OSGIN2: variants seen among roughly 807,000 people sequenced by gnomAD.
OSGIN2 encodes oxidative stress induced growth inhibitor family member 2.
OSGIN2 carries 19 observed loss-of-function variants against 53.8 expected under a neutral mutation model. That is an observed-to-expected ratio of 0.35 (90% CI 0.25 to 0.52). The LOEUF is 0.52. Ranked by LOEUF, OSGIN2 falls within the 20% of genes least tolerant of loss-of-function variation. The pLI is 0.95. For synonymous variants in OSGIN2, 236 were observed against 236.0 expected (o/e 1.00, Z 0.00); for missense variants, 520 against 662.7 (o/e 0.78, Z 2.36).
intron 1 of OSGIN2, among the ~76,000 whole-genome samples, chr8:89,906,401 G>A (rs1273359767): frequency 6.6e-6 from 1 of 152,184 alleles, no homozygotes; most frequent in Non-Finnish European, 1.5e-5. Flanking sequence ...ACTTGCATTA[G>A]TTGTTTTTCT....
intron 4 of OSGIN2, among the ~76,000 whole-genome samples, chr8:89,920,301 AAT>A (rs1272489022): frequency 2.8e-5 from 4 of 145,426 alleles, no homozygotes; most frequent in Admixed American, 2.0e-4. Flanking sequence ...CAGTTATAAT[AAT>A]AATAATAATA....
intron 5 of OSGIN2, 148 bp downstream of exon 5, chr8:89,921,319 A>G: frequency 1.8e-6 from 1 of 555,016 alleles, no homozygotes; most frequent in Non-Finnish European, 3.2e-6. Flanking sequence ...AGTGATTATA[A>G]TATGCTAGTT....
At chr8:89,919,524 G>GGGC (rs1304262586) in intron 4 of OSGIN2, among the ~76,000 whole-genome samples, 1 of 152,182 alleles carries the variant, frequency 6.6e-6, no homozygotes, top group Non-Finnish European at 1.5e-5. Context: ...CACTGGTATA[G>GGGC]CATTGCCAAG....
intron 4 of OSGIN2, among the ~76,000 whole-genome samples, chr8:89,919,456 C>T (rs137978675): frequency 1.3e-5 from 2 of 152,242 alleles, no homozygotes; most frequent in Non-Finnish European, 2.9e-5. Context: ...CCTCTGCCTC[C>T]CAGAGCAAAA....
intron 4 of OSGIN2, among the ~76,000 whole-genome samples, chr8:89,918,486 CT>C (rs1215598073): frequency 1.3e-5 from 2 of 152,078 alleles, no homozygotes; most frequent in African/African-American, 4.8e-5. Context: ...TTAAAAATTG[CT>C]TCTGTAGACC....
intron 5 of OSGIN2, 107 bp downstream of exon 5, chr8:89,921,278 C>T (rs1015854193): frequency 1.3e-5 from 8 of 637,234 alleles, no homozygotes; most frequent in Non-Finnish European, 2.2e-5. Context: ...TATAAATGTA[C>T]GTCTTTCAAA....
At chr8:89,923,333 A>G (rs1809247251) in intron 5 of OSGIN2, among the ~76,000 whole-genome samples, 1 of 152,208 alleles carries the variant, frequency 6.6e-6, no homozygotes, top group South Asian at 2.1e-4. Flanking sequence ...TGACTGAAGA[A>G]GTAAAAATCT....
At position 89,909,692 on chromosome 8, in the gene OSGIN2, C is replaced by T. The variant is rs749492257; in HGVS notation, c.170C>T (p.Ser57Leu). ...LVEETSLLEDSSVTFPVVIIG... is the reference protein window; with the variant it reads ...LVEETSLLEDLSVTFPVVIIG... ...GAAGAAACTTCTTTACTGGAAGATTCGTCAGTGACTTTTCCTGTGGTAATA... is the reference window on the plus strand; with the variant it reads ...GAAGAAACTTCTTTACTGGAAGATTTGTCAGTGACTTTTCCTGTGGTAATA... Residue 57 changes from serine to leucine, a missense_variant, in exon 2 of 6, where the codon TCG (serine) becomes TTG (leucine). This residue lies in a region of OSGIN2 where 203 missense variants were observed against 275.3 expected (regional missense o/e 0.74). Coordinates refer to ENST00000451899, the MANE Select transcript of OSGIN2 (RefSeq NM_001126111.3). The T allele has an allele frequency of 9.3e-6, 15 of 1,607,952 alleles. No homozygotes were observed. Among genetic ancestry groups the T allele is most frequent in the African/African-American group, 2.7e-5 (2 of 74,730 alleles).
Position 89,912,162 on chromosome 8 carries a change from G to A in OSGIN2, c.200-1915G>A, listed in dbSNP as rs34197189. The stretch of plus-strand genomic sequence containing the variant: ...TTGCAGCTAGCAATTCTCTAGGTTG[G>A]ATTAAATTTTTGAAAGGCAGATATA... On this transcript the variant is annotated intron_variant, in intron 2 of 5. Coordinates refer to ENST00000451899, the MANE Select transcript of OSGIN2 (RefSeq NM_001126111.3). 2.3e-3 allele frequency among the ~76,000 whole-genome samples: 351 copies of A among 152,274 alleles called. 2 individuals carry two copies. The highest frequency in any genetic ancestry group is 3.6e-3 in the Non-Finnish European group (247 of 68,018).
chr8:89,921,060 T>G lies in OSGIN2; in HGVS notation c.529-20T>G, dbSNP rs1388253311. 11 of 1,446,842 alleles carry G rather than the reference T, an allele frequency of 7.6e-6. No individual in the cohort carries two copies. Among genetic ancestry groups the G allele is most frequent in the Non-Finnish European group, 1.0e-5 (11 of 1,053,078 alleles). The allele number at this position is 1,446,842 out of a possible 1,614,324, so 89.6% of individuals were successfully genotyped here. A position where few individuals can be genotyped will look rare whatever the true frequency, so the allele number is the denominator to read the frequency against. Reference sequence around the variant, plus strand: ...CTTCTTGTTTTTTGACGGTACATTTTTTTTTTTAAACTCTAATAGAATATG... The same window carrying G: ...CTTCTTGTTTTTTGACGGTACATTTGTTTTTTTAAACTCTAATAGAATATG... On this transcript the variant is annotated intron_variant, in intron 4 of 5. Transcript: ENST00000451899.
In OSGIN2 at chr8:89,909,549, C is replaced by CTTT; in HGVS notation, c.45-18_45-17insTTT. 1 of 1,305,968 alleles carries CTTT rather than the reference C, an allele frequency of 7.7e-7. No individual in the cohort carries two copies. Among genetic ancestry groups the CTTT allele is most frequent in the Non-Finnish European group, 1.0e-6 (1 of 961,130 alleles). 80.9% of individuals were successfully genotyped at this position (1,305,968 alleles called of 1,614,324 possible). A position where few individuals can be genotyped will look rare whatever the true frequency, so the allele number is the denominator to read the frequency against. On this transcript the variant is annotated splice_polypyrimidine_tract_variant and intron_variant, in intron 1 of 5. Coordinates refer to ENST00000451899, the MANE Select transcript of OSGIN2 (RefSeq NM_001126111.3). ...ATTGACTATATCTCTTTTTATTCCC[C>CTTT]CTTTTTTTTTTTTAAAGAAACTATA... is the stretch of plus-strand genomic sequence containing the variant.
Position 89,925,225 on chromosome 8 carries a change from T to C in OSGIN2, c.1343T>C (p.Phe448Ser). 1.2e-6 allele frequency: 2 copies of C among 1,614,140 alleles called. No homozygotes were observed. The highest frequency in any genetic ancestry group is 1.7e-6 in the Non-Finnish European group (2 of 1,179,994). ...LQSVSGLKKI[F>S]KLSAAVVLIG... Reference sequence around the variant, plus strand: ...AGCGTTTCTGGATTGAAGAAAATATTTAAGCTGTCTGCAGCAGTAGTATTG... The same window carrying C: ...AGCGTTTCTGGATTGAAGAAAATATCTAAGCTGTCTGCAGCAGTAGTATTG... The change falls in exon 6 of 6, where the codon TTT (phenylalanine) becomes TCT (serine). Residue 448 changes from phenylalanine to serine, a missense_variant. Transcript: ENST00000451899.
chr8:89,920,871 G>A (rs952556453), intron 4 of OSGIN2, among the ~76,000 whole-genome samples: 10 of 152,040 alleles, frequency 6.6e-5, no homozygotes, highest in African/African-American at 2.4e-5. Context: ...GAAGGTTGTC[G>A]GGATAATATC....
At chr8:89,920,877 A>G (rs140544497) in intron 4 of OSGIN2, among the ~76,000 whole-genome samples, 2 of 152,316 alleles carry the variant, frequency 1.3e-5, no homozygotes, top group East Asian at 3.9e-4. Context: ...TGTCGGGATA[A>G]TATCAAGTGA....
upstream of OSGIN2, chr8:89,902,505 T>G (rs973692995): frequency 2.0e-5 from 3 of 152,962 alleles, no homozygotes; most frequent in African/African-American, 7.2e-5. Context: ...CGCGCGCCGC[T>G]GCAGCCGCCG....
intron 2 of OSGIN2, among the ~76,000 whole-genome samples, 174 bp from the exon 3 acceptor site, chr8:89,913,903 A>G (rs1809021922): frequency 6.6e-6 from 1 of 152,192 alleles, no homozygotes; most frequent in Non-Finnish European, 1.5e-5. Context: ...GAGATTCCCA[A>G]AAGAAAATAG....
chr8:89,925,061 G>A lies in OSGIN2; in HGVS notation c.1179G>A (p.Leu393=). The change falls in exon 6 of 6, where the codon CTG becomes CTA. Residue 393 remains leucine, a synonymous_variant. Coordinates refer to ENST00000451899, the MANE Select transcript of OSGIN2 (RefSeq NM_001126111.3). ...TTTTCAAACAGCTTCCCAAAAAGCT[G>A]TATCCTGAATATCATAAAGTCTATC... ...SLIFKQLPKK[L]YPEYHKVYHM... 1 of 1,613,702 alleles carries A rather than the reference G, an allele frequency of 6.2e-7. No homozygotes were observed. Among genetic ancestry groups the A allele is most frequent in the East Asian group, 2.2e-5 (1 of 44,882 alleles).
intron 1 of OSGIN2, among the ~76,000 whole-genome samples, chr8:89,904,693 G>A (rs1366033914): frequency 1.3e-5 from 2 of 152,124 alleles, no homozygotes; most frequent in South Asian, 4.1e-4. Context: ...GTGTGCACCT[G>A]TAATCCCAGC....
chr8:89,914,083 G>T lies in OSGIN2; in HGVS notation c.206G>T (p.Gly69Val). ...VTFPVVIIGN[G>V]PSGICLSYML... ...CACCTTTTATTTTTAATAGGAAATG[G>T]ACCCTCAGGAATATGCCTTTCTTAT... Residue 69 changes from glycine to valine, a missense_variant, in exon 3 of 6, where the codon GGA becomes GTA. Transcript: ENST00000451899. 6.2e-7 allele frequency: 1 copy of T among 1,610,222 alleles called. No individual in the cohort carries two copies.
Sources: gnomAD v4.1 joint callset for allele counts (sites outside exome capture counted in the v4.1 genomes callset) on GRCh38, gnomAD v4.1.1 for gene constraint, gnomAD v4.1.1 regional missense constraint, MANE v1.5 for transcripts, NCBI Gene and HGNC (gene_info 2026-07-23, HGNC 2026-07-21) for gene names.